Variants in MCTP1 observed in about 807,000 individuals in gnomAD.
MCTP1 encodes multiple C2 and transmembrane domain containing 1.
Under a neutral mutation model 120.6 loss-of-function variants are expected in MCTP1, and 69 were observed. The ratio of observed to expected loss-of-function variants is 0.57; its 90% CI spans 0.47 to 0.70. MCTP1 has a LOEUF of 0.70. MCTP1 is among the 30% of genes least tolerant of loss of function. The probability of loss-of-function intolerance (pLI) is 0.00; values close to 1 mark genes in which losing one functional copy is unlikely to be tolerated. For missense variants in MCTP1, 1,203 were observed against 1,248.8 expected, an observed-to-expected ratio of 0.96 and a Z score of 0.55; for synonymous variants, 529 against 493.1, an observed-to-expected ratio of 1.07 and a Z score of -0.96.
chr5:95,041,051 C>T (rs1360262506), intron 1 of MCTP1, among the ~76,000 whole-genome samples: 1 of 151,928 alleles, frequency 6.6e-6, no homozygotes, highest in Non-Finnish European at 1.5e-5. Flanking sequence ...CAATAGATTC[C>T]CTTTATAATT....
At chr5:95,217,152 A>T (rs1036094277) in intron 1 of MCTP1, among the ~76,000 whole-genome samples, 1 of 152,242 alleles carries the variant, frequency 6.6e-6, no homozygotes, top group Non-Finnish European at 1.5e-5. Context: ...AATACTTATT[A>T]ATCATGCACA....
chr5:95,169,782 GTCTTC>G (rs1746975611), intron 1 of MCTP1, among the ~76,000 whole-genome samples: 1 of 151,914 alleles, frequency 6.6e-6, no homozygotes, highest in Non-Finnish European at 1.5e-5. Context: ...TGATTCTTCT[GTCTTC>G]TCTTCTTTAT....
intron 1 of MCTP1, among the ~76,000 whole-genome samples, chr5:95,134,992 CAAAAAAAAAAAAAAAAAAAAAAAAAAAA>C (rs70978170): frequency 2.8e-5 from 1 of 35,310 alleles, no homozygotes; most frequent in African/African-American, 8.8e-5. Flanking sequence ...GCCTGATGGC[CAAAAAAAAAAAAAAAAAAAAAAAAAAAA>C]AAAAAAAAAT....
At chr5:95,244,317 T>A (rs148419860) in intron 1 of MCTP1, among the ~76,000 whole-genome samples, 1 of 152,174 alleles carries the variant, frequency 6.6e-6, no homozygotes, top group Non-Finnish European at 1.5e-5. Flanking sequence ...GTTCATCTCA[T>A]TGGGACTGGT....
chr5:95,234,113 T>C (rs1755273902), intron 1 of MCTP1, among the ~76,000 whole-genome samples: 1 of 151,700 alleles, frequency 6.6e-6, no homozygotes, highest in African/African-American at 2.4e-5. Flanking sequence ...GCAGTTAGGG[T>C]TTTCTGAGCA....
At chr5:94,711,183 T>C (rs2290298) in intron 20 of MCTP1, among the ~76,000 whole-genome samples, 6,069 of 152,172 alleles carry the variant, frequency 0.04, 338 homozygotes, top group East Asian at 0.29. Flanking sequence ...GCCATTGTGC[T>C]ACTTGGGTGA....
intron 4 of MCTP1, among the ~76,000 whole-genome samples, chr5:94,941,537 C>G (rs293036): frequency 0.032 from 4,892 of 152,040 alleles, 122 homozygotes; most frequent in East Asian, 0.093. Context: ...GCTCATTACT[C>G]TGCTTTCCTG....
intron 2 of MCTP1, among the ~76,000 whole-genome samples, chr5:94,982,520 A>G (rs1829626185): frequency 6.6e-6 from 1 of 152,152 alleles, no homozygotes; most frequent in Non-Finnish European, 1.5e-5. Context: ...ATGAAATTTC[A>G]TTCATGTCTA....
intron 10 of MCTP1, among the ~76,000 whole-genome samples, chr5:94,903,365 T>C (rs1806013220): frequency 6.6e-6 from 1 of 152,192 alleles, no homozygotes. Context: ...ATGTATTGAC[T>C]TTCAACATTA....
At chr5:94,971,687 A>G (rs1826921425) in intron 2 of MCTP1, among the ~76,000 whole-genome samples, 1 of 152,180 alleles carries the variant, frequency 6.6e-6, no homozygotes, top group Non-Finnish European at 1.5e-5. Context: ...TTCTTAAAAT[A>G]AAACAAGTTA....
Position 94,816,530 on chromosome 5 carries a change from TA to T in MCTP1, c.2437-17399del, listed in dbSNP as rs532810621. Among the ~76,000 whole-genome samples, 181 of 152,288 alleles carry T rather than the reference TA, an allele frequency of 1.2e-3. 1 individual carries two copies. Among genetic ancestry groups the T allele is most frequent in the African/African-American group, 4.2e-3 (174 of 41,584 alleles). ...AATATGAAGCTGGATTTAAATAATT[TA>T]ATTAAATAAAATTATTACCATGAAA... On this transcript the variant is annotated intron_variant, in intron 17 of 22. Transcript: ENST00000515393.
rs185808361 is a variant in MCTP1 at position 95,192,539 on chromosome 5, C to A, written c.720+91317G>T. ...TTACACATCATAACCTTTTTCAAGT[C>A]TCTTTTAGATAACAGGTAGGATACA... On this transcript the variant is annotated intron_variant, in intron 1 of 22. Transcript: ENST00000515393. Among the ~76,000 whole-genome samples the A allele has an allele frequency of 2.7e-4, 41 of 152,072 alleles. No individual in the cohort carries two copies. In the East Asian group the frequency reaches 6.6e-3, roughly 24 times the overall value.
Position 94,870,417 on chromosome 5 carries a change from C to G in MCTP1, c.2316G>C (p.Gln772His). 2 of 1,602,564 alleles carry G rather than the reference C, an allele frequency of 1.2e-6. No individual in the cohort carries two copies. Among genetic ancestry groups the G allele is most frequent in the East Asian group, 4.5e-5 (2 of 44,732 alleles). The change falls in exon 16 of 23, where the codon CAG becomes CAC. Residue 772 changes from glutamine to histidine, a missense_variant and splice_region_variant. Around this residue, in one of 2 missense-constraint regions of MCTP1, gnomAD observed 740 missense variants for 871.1 expected, o/e 0.85. Coordinates refer to ENST00000515393, the MANE Select transcript of MCTP1 (RefSeq NM_024717.7). ...GGATTAATCTTTTCTTGCTTTTTAC[C>G]TGTTTAGAGAGTCTGTTTTCCTCTT... ...YIEEENRLSK[Q>H]LLLRNFIRMK... is the part of the protein sequence containing the mutation.
At chr5:94,898,040 C>A (rs1804556981) in intron 10 of MCTP1, among the ~76,000 whole-genome samples, 2 of 152,012 alleles carry the variant, frequency 1.3e-5, no homozygotes, top group Admixed American at 1.3e-4. Flanking sequence ...AACTATGAAA[C>A]TAATAAATTT....
chr5:95,168,379 G>T (rs1186093595), intron 1 of MCTP1, among the ~76,000 whole-genome samples: 13 of 152,162 alleles, frequency 8.5e-5, no homozygotes, highest in Non-Finnish European at 1.0e-4. Flanking sequence ...GGCAATGTGG[G>T]CTCTTTTTTG....
intron 1 of MCTP1, among the ~76,000 whole-genome samples, chr5:95,189,803 A>C (rs1749634570): frequency 1.3e-5 from 2 of 152,136 alleles, no homozygotes; most frequent in Non-Finnish European, 2.9e-5. Context: ...CATGTGCCTA[A>C]TTAGTGTTAT....
chr5:94,937,851 A>AT (rs1361342162), intron 5 of MCTP1, among the ~76,000 whole-genome samples: 2 of 152,036 alleles, frequency 1.3e-5, no homozygotes, highest in Non-Finnish European at 2.9e-5. Context: ...AATCGCTGCT[A>AT]TATCATCCCA....
At chr5:95,084,721 G>C (rs1755297390) in intron 1 of MCTP1, among the ~76,000 whole-genome samples, 1 of 152,016 alleles carries the variant, frequency 6.6e-6, no homozygotes, top group African/African-American at 2.4e-5. Context: ...AACATTTCAG[G>C]CTTCTGAATT....
intron 18 of MCTP1, among the ~76,000 whole-genome samples, chr5:94,787,622 G>GT (rs11432604): frequency 0.043 from 6,113 of 141,300 alleles, 262 homozygotes; most frequent in African/African-American, 0.11. Context: ...GTTTTTTTTT[G>GT]TTTTTTTTTT....
Sources: gnomAD v4.1 joint callset for allele counts (sites outside exome capture counted in the v4.1 genomes callset) on GRCh38, gnomAD v4.1.1 for gene constraint, gnomAD v4.1.1 regional missense constraint, MANE v1.5 for transcripts, NCBI Gene and HGNC (gene_info 2026-07-23, HGNC 2026-07-21) for gene names.